Variants in DPRX observed in about 807,000 individuals in gnomAD.
DPRX encodes the protein divergent-paired related homeobox.
A neutral mutation model predicts 8.4 loss-of-function variants in DPRX; 11 were observed. The ratio of observed to expected loss-of-function variants is 1.31; its 90% CI spans 0.82 to 2.17. The LOEUF (loss-of-function observed/expected upper bound fraction) is 2.17. Ranked by LOEUF, DPRX falls within the 30% of genes most tolerant of loss-of-function variation. The pLI, the probability that DPRX is intolerant of heterozygous loss-of-function variation, is 0.00. For synonymous variants in DPRX, 72 were observed against 87.0 expected, an observed-to-expected ratio of 0.83 and a Z score of 0.96; for missense variants, 211 against 236.7, an observed-to-expected ratio of 0.89 and a Z score of 0.71.
the DPRX span, among the ~76,000 whole-genome samples, chr19:53,624,801 C>T: frequency 1.5e-5 from 2 of 136,742 alleles, no homozygotes; most frequent in African/African-American, 5.5e-5. Context: ...GAGATCAGGC[C>T]ATTGCACTCC....
the DPRX span, among the ~76,000 whole-genome samples, chr19:53,621,629 CA>C: frequency 6.6e-6 from 1 of 151,802 alleles, no homozygotes; most frequent in African/African-American, 2.4e-5. Flanking sequence ...AACGCTAATA[CA>C]AAAAATTAGC....
chr19:53,614,957 AT>A, the DPRX span, among the ~76,000 whole-genome samples: 10 of 146,464 alleles, frequency 6.8e-5, no homozygotes, highest in East Asian at 2.0e-4. Flanking sequence ...CTGTCTCTCT[AT>A]TTTTTTTTTC....
chr19:53,629,872 G>A (rs1479921436), upstream of DPRX: 1 of 151,488 alleles, frequency 6.6e-6, no homozygotes, highest in African/African-American at 2.4e-5. Context: ...GGTTGCCTAA[G>A]AAGTGGGGAA....
At chr19:53,616,751 T>TCTCAAAAAATAAGAAAAAATAGAGGCCGA in the DPRX span, 5 of 1,437,784 alleles carry the variant, frequency 3.5e-6, no homozygotes, top group Non-Finnish European at 4.7e-6. Context: ...CGAAACTCTG[T>TCTCAAAAAATAAGAAAAAATAGAGGCCGA]CTCAAAAAAT....
the DPRX span, among the ~76,000 whole-genome samples, chr19:53,605,940 G>A: frequency 2.6e-5 from 4 of 152,038 alleles, no homozygotes; most frequent in African/African-American, 7.2e-5. Context: ...AAGTGCTGGG[G>A]TTATAGGCGT....
At chr19:53,611,696 G>A in the DPRX span, among the ~76,000 whole-genome samples, 5 of 152,154 alleles carry the variant, frequency 3.3e-5, no homozygotes, top group East Asian at 1.9e-4. Flanking sequence ...GGCAAAGTAC[G>A]TTAACCGAAT....
the DPRX span, chr19:53,601,180 C>G: frequency 2.2e-6 from 1 of 449,508 alleles, no homozygotes; most frequent in Non-Finnish European, 4.5e-6. Context: ...CACTGTTAGC[C>G]TGAGACAGCT....
the DPRX span, chr19:53,608,356 G>A: frequency 0.23 from 34,634 of 152,298 alleles, 4,103 homozygotes; most frequent in South Asian, 0.33. Flanking sequence ...TGATGAAGCC[G>A]GAGAAGATGA....
At chr19:53,634,105 C>A (rs12985296) in intron 1 of DPRX, among the ~76,000 whole-genome samples, 1 of 152,052 alleles carries the variant, frequency 6.6e-6, no homozygotes, top group Non-Finnish European at 1.5e-5. Context: ...GCCTGAGGCA[C>A]GACCCCGGCC....
chr19:53,631,920 G>A, upstream of DPRX: 1 of 713,546 alleles, frequency 1.4e-6, no homozygotes, highest in Non-Finnish European at 2.3e-6. Flanking sequence ...TAGATAAAAT[G>A]ACAGTATTGG....
At chr19:53,634,711 TA>T in intron 2 of DPRX, 26 bp downstream of exon 2, 1 of 1,602,166 alleles carries the variant, frequency 6.2e-7, no homozygotes, top group Non-Finnish European at 8.5e-7. Context: ...CTCTTCTCAC[TA>T]AACTGCCTTC....
chr19:53,633,046 A>T (rs538551817), intron 1 of DPRX, among the ~76,000 whole-genome samples: 13 of 152,206 alleles, frequency 8.5e-5, no homozygotes, highest in African/African-American at 3.1e-4. Context: ...CTGTAATCCC[A>T]GCACTTTGGG....
the DPRX span, among the ~76,000 whole-genome samples, chr19:53,602,375 T>G: frequency 6.6e-6 from 1 of 151,218 alleles, no homozygotes; most frequent in African/African-American, 2.4e-5. Context: ...TTTTTTTTTT[T>G]TGAGATGCAG....
At chr19:53,605,416 G>A in the DPRX span, among the ~76,000 whole-genome samples, 40 of 145,664 alleles carry the variant, frequency 2.7e-4, no homozygotes, top group South Asian at 7.8e-3. Context: ...TCGCTCTGTC[G>A]CTCAGGCTGG....
chr19:53,623,305 T>TAAAAAAAA, the DPRX span, among the ~76,000 whole-genome samples: 3 of 59,508 alleles, frequency 5.0e-5, no homozygotes, highest in Admixed American at 2.6e-4. Flanking sequence ...AGACTCTGTC[T>TAAAAAAAA]CAAAAAAATA....
the DPRX span, among the ~76,000 whole-genome samples, chr19:53,618,633 A>AAG: frequency 6.6e-6 from 1 of 150,512 alleles, no homozygotes. Context: ...AAAAAAAAAA[A>AAG]AGAGTACTAA....
At chr19:53,618,096 C>T in the DPRX span, among the ~76,000 whole-genome samples, 3 of 149,930 alleles carry the variant, frequency 2.0e-5, no homozygotes, top group Non-Finnish European at 3.0e-5. Context: ...GAGCCTAGAT[C>T]GCTGCCACTG....
At chr19:53,614,510 G>A in the DPRX span, among the ~76,000 whole-genome samples, 1 of 151,810 alleles carries the variant, frequency 6.6e-6, no homozygotes, top group Non-Finnish European at 1.5e-5. Flanking sequence ...ACCAACCTGG[G>A]CAACATAGCG....
At chr19:53,611,572 G>A in the DPRX span, among the ~76,000 whole-genome samples, 1,550 of 152,018 alleles carry the variant, frequency 0.01, 33 homozygotes, top group African/African-American at 0.035. Context: ...ATTGCGGTAC[G>A]ATTTCATGCC....
Sources: allele counts gnomAD v4.1 joint callset (sites outside exome capture counted in the v4.1 genomes callset), GRCh38; gene constraint gnomAD v4.1.1; transcripts MANE v1.5; gene names NCBI Gene and HGNC (gene_info 2026-07-23, HGNC 2026-07-21).